Variants in MTMR2 observed in about 807,000 individuals in gnomAD.
The protein encoded by MTMR2 is phosphatidylinositol-3,5-bisphosphate 3-phosphatase MTMR2.
MTMR2 carries 55 observed loss-of-function variants against 86.9 expected under a neutral mutation model. The ratio of observed to expected loss-of-function variants is 0.63; its 90% CI spans 0.51 to 0.79. The LOEUF is 0.79. MTMR2 is among the 30% of genes least tolerant of loss of function. MTMR2 has a pLI of 0.00. For synonymous variants in MTMR2, 241 were observed against 266.8 expected, an observed-to-expected ratio of 0.90 and a Z score of 0.94; for missense variants, 659 against 772.3, an observed-to-expected ratio of 0.85 and a Z score of 1.74.
In MTMR2 at chr11:95,851,297, C is replaced by G. The variant is rs188967852; in HGVS notation, c.655-548G>C. Among the ~76,000 whole-genome samples, 503 of 151,878 alleles carry G rather than the reference C, an allele frequency of 3.3e-3. 4 individuals are homozygous for G. The highest frequency in any genetic ancestry group is 0.018 in the South Asian group (84 of 4,796). The stretch of plus-strand genomic sequence containing the variant: ...TCAATCTCCTGACCACCTACCTTGG[C>G]CTCCCAAAGTGCTGTGATTATAGGC... On this transcript the variant is annotated intron_variant, in intron 7 of 14. Coordinates refer to ENST00000346299, the MANE Select transcript of MTMR2 (RefSeq NM_016156.6).
intron 7 of MTMR2, among the ~76,000 whole-genome samples, chr11:95,856,212 C>G (rs1864205664): frequency 7.1e-6 from 1 of 140,140 alleles, no homozygotes; most frequent in Non-Finnish European, 1.5e-5. Context: ...ATATCATTTC[C>G]TAAAGGGAGG....
intron 2 of MTMR2, among the ~76,000 whole-genome samples, chr11:95,867,654 C>T (rs1864665043): frequency 6.6e-6 from 1 of 152,088 alleles, no homozygotes; most frequent in African/African-American, 2.4e-5. Context: ...ATATAAACAA[C>T]TAATTCTACA....
intron 2 of MTMR2, among the ~76,000 whole-genome samples, chr11:95,874,572 T>C (rs368471902): frequency 1.3e-5 from 2 of 152,228 alleles, no homozygotes; most frequent in Admixed American, 1.3e-4. Context: ...TGTCTTTTAA[T>C]TGGAGCATTT....
intron 1 of MTMR2, among the ~76,000 whole-genome samples, chr11:95,910,658 C>T (rs933695766): frequency 1.1e-4 from 17 of 152,016 alleles, no homozygotes; most frequent in African/African-American, 3.9e-4. Flanking sequence ...TTCAATATTC[C>T]GTAAAAAGAA....
At chr11:95,895,142 T>G (rs1865839380) in intron 1 of MTMR2, among the ~76,000 whole-genome samples, 1 of 141,824 alleles carries the variant, frequency 7.1e-6, no homozygotes, top group African/African-American at 2.6e-5. Flanking sequence ...CCATGAGAGG[T>G]ACAAACAAGG....
intron 2 of MTMR2, among the ~76,000 whole-genome samples, chr11:95,885,814 A>G (rs1028330298): frequency 7.2e-5 from 11 of 152,056 alleles, no homozygotes; most frequent in Non-Finnish European, 1.5e-4. Flanking sequence ...ATTACAGTGA[A>G]AAAACCTAAC....
intron 1 of MTMR2, among the ~76,000 whole-genome samples, chr11:95,918,733 C>A (rs569377373): frequency 7.2e-5 from 11 of 152,296 alleles, no homozygotes; most frequent in African/African-American, 2.6e-4. Flanking sequence ...GCTGTCTCAG[C>A]AGACATGCCA....
chr11:95,901,281 T>C (rs1019394974), intron 1 of MTMR2, among the ~76,000 whole-genome samples: 4 of 152,128 alleles, frequency 2.6e-5, no homozygotes, highest in African/African-American at 9.7e-5. Flanking sequence ...CCACACTCTC[T>C]CTCCAGCCTT....
At chr11:95,913,601 A>G (rs1866590174) in intron 1 of MTMR2, among the ~76,000 whole-genome samples, 1 of 152,108 alleles carries the variant, frequency 6.6e-6, no homozygotes, top group Non-Finnish European at 1.5e-5. Flanking sequence ...CAGTTGAAAA[A>G]CACTAATTGG....
At chr11:95,899,445 A>G (rs933741967) in intron 1 of MTMR2, among the ~76,000 whole-genome samples, 2 of 152,130 alleles carry the variant, frequency 1.3e-5, no homozygotes, top group African/African-American at 4.8e-5. Flanking sequence ...ACTTGATCAT[A>G]TATTTGTTCA....
In MTMR2 at chr11:95,856,519, CAG is replaced by C. The variant is rs1366366720; in HGVS notation, c.654+1031_654+1032del. Among the ~76,000 whole-genome samples the C allele has an allele frequency of 2.0e-5, 3 of 150,648 alleles. No individual in the cohort carries two copies. The East Asian group carries it at 5.8e-4, about 29-fold the overall frequency. On this transcript the variant is annotated intron_variant, in intron 7 of 14. Transcript: ENST00000346299. ...TCTCCATTAGACCTTTTAGTTGACT[CAG>C]AGACAGTTTCTCATGCTGCCAAAAA...
intron 1 of MTMR2, among the ~76,000 whole-genome samples, chr11:95,892,002 G>T (rs563608306): frequency 6.6e-6 from 1 of 152,258 alleles, no homozygotes; most frequent in African/African-American, 2.4e-5. Context: ...GAAGGTGGCC[G>T]TGGGCACAGT....
chr11:95,916,056 G>A (rs1017875860), intron 1 of MTMR2, among the ~76,000 whole-genome samples: 4 of 152,146 alleles, frequency 2.6e-5, no homozygotes, highest in African/African-American at 9.7e-5. Context: ...CTGCAGCAAT[G>A]TATTACCTCC....
chr11:95,849,649 T>A (rs755046999), intron 9 of MTMR2, 25 bp downstream of exon 9: 1 of 1,584,918 alleles, frequency 6.3e-7, no homozygotes, highest in African/African-American at 1.3e-5. Flanking sequence ...AAACCATAAT[T>A]ATAATTACTA....
intron 7 of MTMR2, among the ~76,000 whole-genome samples, chr11:95,856,309 A>T (rs1864210659): frequency 6.6e-6 from 1 of 150,934 alleles, no homozygotes; most frequent in South Asian, 2.1e-4. Context: ...TGAATTTTGT[A>T]CAGAATGCAA....
chr11:95,916,949 G>C (rs936673215), intron 1 of MTMR2, among the ~76,000 whole-genome samples: 1 of 151,834 alleles, frequency 6.6e-6, no homozygotes, highest in African/African-American at 2.4e-5. Flanking sequence ...AACATATTAG[G>C]AGGGACAGGC....
chr11:95,879,752 A>ATTTAAGTT (rs1303565700), intron 2 of MTMR2, among the ~76,000 whole-genome samples: 2 of 152,148 alleles, frequency 1.3e-5, no homozygotes, highest in African/African-American at 4.8e-5. Context: ...AATAGTAAAC[A>ATTTAAGTT]TATAAATAAA....
intron 1 of MTMR2, among the ~76,000 whole-genome samples, chr11:95,889,384 C>T (rs1052501744): frequency 2.0e-5 from 3 of 152,028 alleles, no homozygotes; most frequent in African/African-American, 7.2e-5. Context: ...GTGCCCGCTT[C>T]GGCCTCCCAA....
At chr11:95,913,175 T>C (rs936486813) in intron 1 of MTMR2, 1 of 152,110 alleles carries the variant, frequency 6.6e-6, no homozygotes, top group Non-Finnish European at 1.5e-5. Context: ...ATGGATTGGT[T>C]ATAATCTTAT....
Sources: allele counts gnomAD v4.1 joint callset (sites outside exome capture counted in the v4.1 genomes callset), GRCh38; gene constraint gnomAD v4.1.1; transcripts MANE v1.5; gene names NCBI Gene and HGNC (gene_info 2026-07-23, HGNC 2026-07-21).